The following MAP4K3 variants were observed in gnomAD, a reference collection of about 807,000 sequenced individuals.
MAP4K3 encodes the protein MAPK/ERK kinase kinase kinase 3.
MAP4K3 carries 94 observed loss-of-function variants against 143.5 expected under a neutral mutation model. The ratio of observed to expected loss-of-function variants is 0.65; its 90% confidence interval spans 0.55 to 0.78. The LOEUF (loss-of-function observed/expected upper bound fraction) is 0.78. MAP4K3 is among the 30% of genes least tolerant of loss of function. The pLI, the probability that MAP4K3 is intolerant of heterozygous loss-of-function variation, is 0.00. For missense variants in MAP4K3, 1,077 were observed against 1,068.1 expected (o/e 1.01, Z -0.12); for synonymous variants, 416 against 347.2 (o/e 1.20, Z -2.20).
intron 24 of MAP4K3, among the ~76,000 whole-genome samples, chr2:39,276,064 G>T (rs1380397480): frequency 6.6e-6 from 1 of 151,968 alleles, no homozygotes; most frequent in Non-Finnish European, 1.5e-5. Flanking sequence ...ATAGGGACGG[G>T]GTTTCACCTT....
At chr2:39,274,957 C>T (rs895152234) in intron 24 of MAP4K3, among the ~76,000 whole-genome samples, 1 of 152,128 alleles carries the variant, frequency 6.6e-6, no homozygotes, top group African/African-American at 2.4e-5. Context: ...CACCCTGTTT[C>T]CTATAAAGTC....
At chr2:39,326,313 TTA>T in intron 8 of MAP4K3, 36 bp from the exon 9 acceptor site, 3 of 1,608,244 alleles carry the variant, frequency 1.9e-6, no homozygotes, top group Non-Finnish European at 2.5e-6. Flanking sequence ...AAAACTTCTG[TTA>T]TATGTTTTCC....
intron 28 of MAP4K3, among the ~76,000 whole-genome samples, chr2:39,264,990 C>T (rs551688258): frequency 2.7e-4 from 41 of 152,284 alleles, no homozygotes; most frequent in East Asian, 1.3e-3. Context: ...AGCTCCCCAC[C>T]GCCATACCCT....
intron 3 of MAP4K3, among the ~76,000 whole-genome samples, chr2:39,355,848 A>ATAG (rs1463716039): frequency 1.3e-5 from 2 of 152,226 alleles, no homozygotes; most frequent in African/African-American, 4.8e-5. Flanking sequence ...ATAAAGTAAT[A>ATAG]TAGTACTCTT....
chr2:39,426,636 G>A (rs1043755986), intron 1 of MAP4K3, among the ~76,000 whole-genome samples: 3 of 151,846 alleles, frequency 2.0e-5, no homozygotes, highest in Non-Finnish European at 2.9e-5. Context: ...GTGAATCTTG[G>A]AAAGGATGTA....
chr2:39,251,905 A>C lies in MAP4K3; in HGVS notation c.2542-20T>G, dbSNP rs1179845877. 1.9e-6 allele frequency: 3 copies of C among 1,590,096 alleles called. No individual in the cohort carries two copies. The highest frequency in any genetic ancestry group is 2.7e-5 in the African/African-American group (2 of 74,472). On this transcript the variant is annotated intron_variant, in intron 32 of 33. Transcript: ENST00000263881. ...TGTTACCTGTTCAATTAAAACACAA[A>C]TTTAATTTCTGAAATTAAAGACACA...
At chr2:39,387,799 C>G (rs1180653971) in intron 1 of MAP4K3, among the ~76,000 whole-genome samples, 1 of 152,208 alleles carries the variant, frequency 6.6e-6, no homozygotes, top group Non-Finnish European at 1.5e-5. Flanking sequence ...ACAATAGCCT[C>G]TCTTTTCTTA....
intron 8 of MAP4K3, among the ~76,000 whole-genome samples, chr2:39,329,928 G>A (rs950366359): frequency 6.6e-6 from 1 of 152,200 alleles, no homozygotes; most frequent in African/African-American, 2.4e-5. Flanking sequence ...TTGAGGGAAG[G>A]CTCCATCATG....
At chr2:39,268,634 A>ATTTTTTG (rs1680877989) in intron 26 of MAP4K3, among the ~76,000 whole-genome samples, 1 of 73,772 alleles carries the variant, frequency 1.4e-5, no homozygotes, top group Non-Finnish European at 2.4e-5. Flanking sequence ...GATTTTTTCT[A>ATTTTTTG]TTTTTTTTTT....
intron 26 of MAP4K3, among the ~76,000 whole-genome samples, chr2:39,271,616 C>T (rs888282926): frequency 2.6e-5 from 4 of 152,310 alleles, no homozygotes; most frequent in Admixed American, 6.5e-5. Context: ...CACTGAGACA[C>T]GGTCTTGCCT....
chr2:39,357,333 C>T (rs1665640825), intron 2 of MAP4K3, among the ~76,000 whole-genome samples: 1 of 152,196 alleles, frequency 6.6e-6, no homozygotes, highest in South Asian at 2.1e-4. Flanking sequence ...GTATTATATA[C>T]TATGAATAGC....
At chr2:39,322,645 T>C (rs1173380171) in intron 12 of MAP4K3, among the ~76,000 whole-genome samples, 2 of 150,382 alleles carry the variant, frequency 1.3e-5, no homozygotes, top group Non-Finnish European at 3.0e-5. Context: ...TAAATACACA[T>C]ATATATATAT....
intron 1 of MAP4K3, among the ~76,000 whole-genome samples, chr2:39,400,756 T>C (rs1666933098): frequency 6.6e-6 from 1 of 152,188 alleles, no homozygotes; most frequent in African/African-American, 2.4e-5. Flanking sequence ...TTCACTGTAA[T>C]TTCCTCTTTA....
At chr2:39,260,557 T>TA in intron 29 of MAP4K3, 49 bp downstream of exon 29, 1 of 1,514,572 alleles carries the variant, frequency 6.6e-7, no homozygotes, top group Non-Finnish European at 9.1e-7. Context: ...TTACTACTTA[T>TA]AAAACCAGTA....
chr2:39,339,156 G>T (rs1002662633), intron 4 of MAP4K3, among the ~76,000 whole-genome samples: 1 of 152,142 alleles, frequency 6.6e-6, no homozygotes, highest in Non-Finnish European at 1.5e-5. Context: ...TGTTTAGTTT[G>T]GAGTACTTGT....
At chr2:39,275,435 T>C (rs1409473561) in intron 24 of MAP4K3, among the ~76,000 whole-genome samples, 2 of 152,160 alleles carry the variant, frequency 1.3e-5, no homozygotes, top group Admixed American at 1.3e-4. Flanking sequence ...TGAGCTGTGT[T>C]CACGCCACTG....
intron 6 of MAP4K3, among the ~76,000 whole-genome samples, chr2:39,336,241 G>A (rs1236102800): frequency 1.3e-5 from 2 of 151,996 alleles, no homozygotes; most frequent in African/African-American, 2.4e-5. Context: ...AGGAGGCCGA[G>A]GTGGGATGAT....
chr2:39,354,385 G>A (rs905105641), intron 3 of MAP4K3, among the ~76,000 whole-genome samples: 50 of 152,284 alleles, frequency 3.3e-4, no homozygotes, highest in African/African-American at 1.2e-3. Context: ...GGAGCTTGCA[G>A]TGAGCTGAGA....
Position 39,341,045 on chromosome 2 carries a change from A to C in MAP4K3, c.310+2343T>G, listed in dbSNP as rs113040437. ...AATTGATAATTGTCCAGATGTGATA[A>C]AAGAGCAAAATTCACAGAGGTAAGC... is the stretch of plus-strand genomic sequence containing the variant. On this transcript the variant is annotated intron_variant, in intron 4 of 33. Coordinates refer to ENST00000263881, the MANE Select transcript of MAP4K3 (RefSeq NM_003618.4). 1.3e-3 allele frequency among the ~76,000 whole-genome samples: 200 copies of C among 152,286 alleles called. 3 individuals carry two copies. Among genetic ancestry groups the C allele is most frequent in the African/African-American group, 4.7e-3 (194 of 41,548 alleles).
Sources: gnomAD v4.1 joint callset for allele counts (sites outside exome capture counted in the v4.1 genomes callset) on GRCh38, gnomAD v4.1.1 for gene constraint, MANE v1.5 for transcripts, NCBI Gene and HGNC (gene_info 2026-07-23, HGNC 2026-07-21) for gene names.